Variants in SFRP1 observed in about 807,000 individuals in gnomAD.
SFRP1 encodes secreted frizzled related protein 1.
A neutral mutation model predicts 25.9 loss-of-function variants in SFRP1; 9 were observed. That is an observed-to-expected ratio of 0.35 (90% CI 0.21 to 0.61). SFRP1 has a LOEUF of 0.61. Among genes scored for constraint, SFRP1 ranks in the 20% least tolerant of loss-of-function variants. The probability of loss-of-function intolerance (pLI) is 0.78; values close to 1 mark genes in which losing one functional copy is unlikely to be tolerated. For missense variants in SFRP1, 346 were observed against 418.2 expected (o/e 0.83, Z 1.51); for synonymous variants, 178 against 174.0 (o/e 1.02, Z -0.18).
intron 2 of SFRP1, among the ~76,000 whole-genome samples, chr8:41,267,383 C>T (rs879458959): frequency 2.0e-5 from 3 of 152,196 alleles, no homozygotes; most frequent in Non-Finnish European, 4.4e-5. Context: ...CACAGTGTCG[C>T]GGGTACAATC....
intron 2 of SFRP1, chr8:41,298,273 A>G (rs892216758): frequency 1.3e-5 from 2 of 152,242 alleles, no homozygotes; most frequent in Non-Finnish European, 2.9e-5. Context: ...TTTAAAGAAT[A>G]AGATACAGTC....
At chr8:41,298,638 C>T (rs944870493) in intron 2 of SFRP1, among the ~76,000 whole-genome samples, 3 of 152,100 alleles carry the variant, frequency 2.0e-5, no homozygotes, top group Admixed American at 2.0e-4. Context: ...TGGTCTCAAA[C>T]TCCTGACCTC....
intron 2 of SFRP1, chr8:41,276,949 A>G: frequency 2.2e-6 from 1 of 456,350 alleles, no homozygotes; most frequent in Non-Finnish European, 4.4e-6. Flanking sequence ...CAGCATCATC[A>G]ATGCATACAC....
intron 2 of SFRP1, among the ~76,000 whole-genome samples, chr8:41,299,720 T>C (rs10106678): frequency 0.44 from 65,848 of 148,522 alleles, 15,013 homozygotes; most frequent in Middle Eastern, 0.59. Context: ...CTGTCATTCA[T>C]ACAGTCAGCT....
At chr8:41,277,646 C>T (rs1803587585) in intron 2 of SFRP1, among the ~76,000 whole-genome samples, 1 of 152,190 alleles carries the variant, frequency 6.6e-6, no homozygotes, top group Non-Finnish European at 1.5e-5. Context: ...GACCAGGTCT[C>T]ACTCTGTCAC....
chr8:41,285,184 C>T (rs1317433379), intron 2 of SFRP1, among the ~76,000 whole-genome samples: 1 of 152,168 alleles, frequency 6.6e-6, no homozygotes, highest in Non-Finnish European at 1.5e-5. Flanking sequence ...GGCCATCTAA[C>T]CAAAGTCTCA....
chr8:41,289,314 C>CA (rs1323330963), intron 2 of SFRP1, among the ~76,000 whole-genome samples: 2 of 152,196 alleles, frequency 1.3e-5, no homozygotes, highest in East Asian at 1.9e-4. Flanking sequence ...GAAACAAGCT[C>CA]AGAGATTTGA....
chr8:41,299,499 T>TAAAAAA (rs576175856), intron 2 of SFRP1, among the ~76,000 whole-genome samples: 3 of 56,060 alleles, frequency 5.4e-5, no homozygotes, highest in African/African-American at 2.6e-4. Flanking sequence ...TTCTCCTTTA[T>TAAAAAA]AAAAAAAAAA....
chr8:41,270,358 T>C (rs1803488993), intron 2 of SFRP1, among the ~76,000 whole-genome samples: 1 of 152,070 alleles, frequency 6.6e-6, no homozygotes, highest in Admixed American at 6.5e-5. Flanking sequence ...TATCAACATT[T>C]TGTATGACAG....
At chr8:41,266,364 CA>C (rs1803435727) in intron 2 of SFRP1, among the ~76,000 whole-genome samples, 1 of 152,102 alleles carries the variant, frequency 6.6e-6, no homozygotes, top group African/African-American at 2.4e-5. Context: ...TCCTATAACC[CA>C]ATTTACTCCA....
rs1250599025 is a variant in SFRP1 at position 41,265,160 on chromosome 8, GGGA to G, written c.*4_*6del. The G allele has an allele frequency of 3.3e-5, 6 of 180,694 alleles. No individual in the cohort carries two copies. Among genetic ancestry groups the G allele is most frequent in the Non-Finnish European group, 5.8e-5 (6 of 102,708 alleles). The allele number at this position is 180,694 out of a possible 1,614,324, so 11.2% of individuals were successfully genotyped here. On this transcript the variant is annotated 3_prime_UTR_variant, in exon 3 of 3. Transcript: ENST00000220772. ...GAGGCTCCCTCCCCACCCTGCCCCC[GGGA>G]GAATCACTTAAACACGGACTGAAAG...
chr8:41,293,533 A>C (rs1229437699), intron 2 of SFRP1, among the ~76,000 whole-genome samples: 2 of 152,128 alleles, frequency 1.3e-5, no homozygotes, highest in Non-Finnish European at 2.9e-5. Flanking sequence ...GACACCAGGA[A>C]TGCCCTCCTC....
intron 2 of SFRP1, among the ~76,000 whole-genome samples, chr8:41,280,772 A>G (rs1214986415): frequency 6.6e-6 from 1 of 152,136 alleles, no homozygotes; most frequent in African/African-American, 2.4e-5. Context: ...CCTAGAGGAG[A>G]CCACAGAAGG....
chr8:41,293,125 T>C (rs1206286553), intron 2 of SFRP1, among the ~76,000 whole-genome samples: 1 of 152,228 alleles, frequency 6.6e-6, no homozygotes, highest in Non-Finnish European at 1.5e-5. Context: ...ACTGAACTCC[T>C]TCCCCTCACA....
intron 2 of SFRP1, among the ~76,000 whole-genome samples, chr8:41,299,646 G>A (rs1293487402): frequency 8.0e-6 from 1 of 125,590 alleles, no homozygotes; most frequent in Non-Finnish European, 1.6e-5. Flanking sequence ...AGCCCAGGTA[G>A]AGCGAGACTT....
At chr8:41,291,882 G>A (rs1464397466) in intron 2 of SFRP1, among the ~76,000 whole-genome samples, 2 of 152,160 alleles carry the variant, frequency 1.3e-5, no homozygotes, top group Non-Finnish European at 2.9e-5. Flanking sequence ...GCACCTTGGA[G>A]AAGCCTGTGA....
At chr8:41,266,597 G>C (rs1296220656) in intron 2 of SFRP1, among the ~76,000 whole-genome samples, 2 of 151,248 alleles carry the variant, frequency 1.3e-5, no homozygotes, top group Admixed American at 1.3e-4. Context: ...CATCATGCCT[G>C]GCTGATTTTT....
rs1803414860 is a variant in SFRP1 at position 41,264,884 on chromosome 8, T to C, written c.*283A>G. ...GTGGCTGTGTTGCTGTTGGAAATGG[T>C]TTGTCACCTCCTCCTGTGCAGTGGC... On this transcript the variant is annotated 3_prime_UTR_variant, in exon 3 of 3. Coordinates refer to ENST00000220772, the MANE Select transcript of SFRP1 (RefSeq NM_003012.5). 8.6e-6 allele frequency: 3 copies of C among 350,006 alleles called. No homozygotes were observed. The highest frequency in any genetic ancestry group is 1.5e-5 in the Non-Finnish European group (3 of 193,776). 21.7% of individuals were successfully genotyped at this position (350,006 alleles called of 1,614,324 possible). A position where few individuals can be genotyped will look rare whatever the true frequency, so the allele number is the denominator to read the frequency against.
At chr8:41,282,491 T>G (rs1001863652) in intron 2 of SFRP1, among the ~76,000 whole-genome samples, 1 of 152,000 alleles carries the variant, frequency 6.6e-6, no homozygotes, top group Admixed American at 6.6e-5. Flanking sequence ...CCAGCCTGGG[T>G]GACAGAGAAA....
Sources: allele counts gnomAD v4.1 joint callset (sites outside exome capture counted in the v4.1 genomes callset), GRCh38; gene constraint gnomAD v4.1.1; transcripts MANE v1.5; gene names NCBI Gene and HGNC (gene_info 2026-07-23, HGNC 2026-07-21).